Variants in CRLF2 observed in about 807,000 individuals in gnomAD.
CRLF2 encodes the protein cytokine receptor-like factor 2.
A neutral mutation model predicts 38.7 loss-of-function variants in CRLF2; 41 were observed. That is an observed-to-expected ratio of 1.06 (90% CI 0.83 to 1.37). CRLF2 has a LOEUF of 1.37. CRLF2 is among the 40% of genes most tolerant of loss of function. CRLF2 has a pLI of 0.00. For synonymous variants in CRLF2, 140 were observed against 128.8 expected, an observed-to-expected ratio of 1.09 and a Z score of -0.59; for missense variants, 377 against 322.2, an observed-to-expected ratio of 1.17 and a Z score of -1.30.
intron 5 of CRLF2, among the ~76,000 whole-genome samples, chrX:1,197,110 T>TG (rs1845304345): frequency 6.7e-6 from 1 of 148,658 alleles, no homozygotes; most frequent in Non-Finnish European, 1.5e-5. Flanking sequence ...TTTTTTTTTT[T>TG]GAGACAGAAC....
At chrX:1,194,527 C>A (rs1170248510) in intron 6 of CRLF2, among the ~76,000 whole-genome samples, 46 of 152,146 alleles carry the variant, frequency 3.0e-4, no homozygotes, top group Non-Finnish European at 4.9e-4. Flanking sequence ...GTGCACACAG[C>A]AGATTTGCAT....
Position 1,198,663 on chromosome X carries a change from G to C in CRLF2, c.545C>G (p.Ser182Cys). 3.7e-6 allele frequency: 6 copies of C among 1,613,242 alleles called. No homozygotes were observed. The highest frequency in any genetic ancestry group is 5.1e-6 in the Non-Finnish European group (6 of 1,179,616). ...IEGLDAEKCY[S>C]FWVRVKAMED... ...CATAGCCTTCACCCTGACCCAGAAA[G>C]AGTAACACTTCTCGGCATCCAAGCC... The change falls in exon 5 of 8, where the codon TCT (serine) becomes TGT (cysteine). Residue 182 changes from serine to cysteine, a missense_variant. By Grantham distance (112) the Ser-to-Cys change is moderately radical (BLOSUM62 -1). Coordinates refer to ENST00000400841, the MANE Select transcript of CRLF2 (RefSeq NM_022148.4).
At chrX:1,196,226 C>T (rs1406305403) in intron 6 of CRLF2, among the ~76,000 whole-genome samples, 9 of 143,636 alleles carry the variant, frequency 6.3e-5, no homozygotes, top group South Asian at 2.2e-4. Flanking sequence ...CTCGCTCTGT[C>T]GCCCAGGCTG....
rs755143572 is a variant in CRLF2, at chrX:1,198,672, T to A, written c.536A>T (p.Lys179Met). 2 of 1,612,562 alleles carry A rather than the reference T, an allele frequency of 1.2e-6. No homozygotes were observed. The highest frequency in any genetic ancestry group is 2.2e-5 in the South Asian group (2 of 90,988). Residue 179 changes from lysine to methionine, a missense_variant, in exon 5 of 8, where the codon AAG (lysine) becomes ATG (methionine). By Grantham distance (95) the Lys-to-Met change is moderately conservative. Transcript: ENST00000400841. ...NVTIEGLDAE[K>M]CYSFWVRVKA... ...CACCCTGACCCAGAAAGAGTAACAC[T>A]TCTCGGCATCCAAGCCTTCTATGGT...
In CRLF2 at chrX:1,196,833, C is replaced by G. The variant is rs376618822; in HGVS notation, c.714G>C (p.Leu238=). 3.5e-4 allele frequency: 558 copies of G among 1,613,376 alleles called. 2 individuals carry two copies. The highest frequency in any genetic ancestry group is 4.6e-4 in the Non-Finnish European group (540 of 1,179,562). ...GGAGAGACACCATCAGAAGGATGGC[C>G]AGGCTGGAAATTAAAATAAATTTGG... ...KLSKFILISS[L]AILLMVSLLL... Residue 238 remains leucine (L), a synonymous_variant, in exon 6 of 8, where the codon CTG becomes CTC. Coordinates refer to ENST00000400841, the MANE Select transcript of CRLF2 (RefSeq NM_022148.4).
chrX:1,206,318 ATAGTTAACGG>A, intron 3 of CRLF2, 105 bp downstream of exon 3: 1 of 924,858 alleles, frequency 1.1e-6, no homozygotes, highest in Non-Finnish European at 1.7e-6. Flanking sequence ...TTGCTTCTCA[ATAGTTAACGG>A]TAATCATGGA....
At chrX:1,200,934 A>C (rs2086594846) in intron 4 of CRLF2, among the ~76,000 whole-genome samples, 1 of 151,806 alleles carries the variant, frequency 6.6e-6, no homozygotes, top group Non-Finnish European at 1.5e-5. Context: ...GTTCTGGGAA[A>C]TGCATTGTGA....
At chrX:1,204,687 A>C (rs1299856203) in intron 3 of CRLF2, among the ~76,000 whole-genome samples, 31 of 141,674 alleles carry the variant, frequency 2.2e-4, no homozygotes, top group African/African-American at 7.4e-4. Flanking sequence ...CGCCTGGCTA[A>C]TTTTTTTTAA....
intron 1 of CRLF2, among the ~76,000 whole-genome samples, chrX:1,210,542 C>T (rs1369402937): frequency 1.3e-5 from 2 of 152,036 alleles, no homozygotes; most frequent in African/African-American, 4.8e-5. Flanking sequence ...CATCTCCTGA[C>T]CTTGTGATCC....
intron 1 of CRLF2, among the ~76,000 whole-genome samples, chrX:1,209,508 C>A (rs1454920989): frequency 7.0e-6 from 1 of 142,592 alleles, no homozygotes; most frequent in Non-Finnish European, 1.5e-5. Flanking sequence ...ATTTTTTGTA[C>A]TTTTAGTAGA....
intron 5 of CRLF2, among the ~76,000 whole-genome samples, chrX:1,198,179 A>C (rs1951501407): frequency 1.8e-5 from 2 of 112,202 alleles, no homozygotes; most frequent in African/African-American, 3.7e-5. Flanking sequence ...CCTCCCTCCC[A>C]CCTCCCAGGA....
intron 4 of CRLF2, among the ~76,000 whole-genome samples, chrX:1,200,477 G>A (rs1394768440): frequency 2.6e-5 from 4 of 151,170 alleles, no homozygotes; most frequent in African/African-American, 7.3e-5. Flanking sequence ...ATAAATATGT[G>A]TATATAAGCT....
chrX:1,212,573 A>G lies in CRLF2; in HGVS notation c.62T>C (p.Leu21Ser). 6.2e-7 allele frequency: 1 copy of G among 1,612,796 alleles called. No individual in the cohort carries two copies. The highest frequency in any genetic ancestry group is 8.5e-7 in the Non-Finnish European group (1 of 1,179,226). The change falls in exon 1 of 8, where the codon TTG becomes TCG. Residue 21 changes from leucine (L) to serine (S), a missense_variant. Coordinates refer to ENST00000400841, the MANE Select transcript of CRLF2 (RefSeq NM_022148.4). The part of the protein sequence containing the change: ...AVFLLGGWMA[L>S]GQGGAAEGVQ... The stretch of plus-strand genomic sequence containing the variant: ...ATAATTACCTGCTCCTCCTTGCCCC[A>G]AAGCCATCCAGCCTCCCAGCAGAAA...
chrX:1,190,674 C>A lies in CRLF2; in HGVS notation c.*223G>T, dbSNP rs1338500275. The A allele has an allele frequency of 1.5e-4, 59 of 397,036 alleles. No individual in the cohort carries two copies. Among genetic ancestry groups the A allele is most frequent in the Non-Finnish European group, 2.6e-4 (59 of 225,702 alleles). 24.6% of individuals were successfully genotyped at this position (397,036 alleles called of 1,614,324 possible). ...AGTAAATCTCCTGGAGCAATTGGCT[C>A]CCATCTGCCATCAAGCCTTTGAACA... On this transcript the variant is annotated 3_prime_UTR_variant, in exon 8 of 8. Transcript: ENST00000400841.
chrX:1,211,917 GTGGATGGATGGGTGGATGGGTGGA>G (rs1446180323), intron 1 of CRLF2, among the ~76,000 whole-genome samples: 4 of 127,784 alleles, frequency 3.1e-5, no homozygotes, highest in Non-Finnish European at 4.9e-5. Flanking sequence ...GGATGTATTG[GTGGATGGATGGGTGGATGGGTGGA>G]TGGATGGATG....
chrX:1,191,006 G>A lies in CRLF2; in HGVS notation c.1007C>T (p.Ala336Val), dbSNP rs1316485527. ...GGGAAGCTGGAGGGATCCCCCAGAG[G>A]CCTCTTTCTCCTCGGTCTGTGGGTC... ...MLDPQTEEKEASGGSLQLPHQ... is the reference protein window; with the variant it reads ...MLDPQTEEKEVSGGSLQLPHQ... The change falls in exon 8 of 8, where the codon GCC becomes GTC. Residue 336 changes from alanine to valine, a missense_variant. Coordinates refer to ENST00000400841, the MANE Select transcript of CRLF2 (RefSeq NM_022148.4). 2 of 398,702 alleles carry A rather than the reference G, an allele frequency of 5.0e-6. No individual in the cohort carries two copies. Among genetic ancestry groups the A allele is most frequent in the African/African-American group, 4.1e-5 (2 of 48,772 alleles). The allele number at this position is 398,702 out of a possible 1,614,324, so 24.7% of individuals were successfully genotyped here. A position where few individuals can be genotyped will look rare whatever the true frequency, so the allele number is the denominator to read the frequency against.
chrX:1,191,674 G>GGC (rs2086383106), intron 7 of CRLF2, among the ~76,000 whole-genome samples: 17,480 of 151,388 alleles, frequency 0.12, 1,161 homozygotes, highest in African/African-American at 0.17. Context: ...TGGGATTACA[G>GGC]ACGTGCACCA....
chrX:1,196,146 G>T (rs1373863343), intron 6 of CRLF2, among the ~76,000 whole-genome samples: 32 of 146,990 alleles, frequency 2.2e-4, no homozygotes, highest in African/African-American at 7.8e-4. Context: ...CTCCTAAAGT[G>T]CTGGGATTAC....
chrX:1,202,778 G>A (rs1422979920), intron 3 of CRLF2, among the ~76,000 whole-genome samples: 1 of 151,962 alleles, frequency 6.6e-6, no homozygotes, highest in African/African-American at 2.4e-5. Context: ...TCTGTTACGG[G>A]CTAAATTAAG....
Sources: allele counts gnomAD v4.1 joint callset (sites outside exome capture counted in the v4.1 genomes callset), GRCh38; gene constraint gnomAD v4.1.1; transcripts MANE v1.5; gene names NCBI Gene and HGNC (gene_info 2026-07-23, HGNC 2026-07-21).